The following SEMA5A variants were observed in gnomAD, a reference collection of about 807,000 sequenced individuals.
The protein encoded by SEMA5A is semaphorin-5A.
In SEMA5A, 55 loss-of-function variants were observed where a neutral mutation model predicts 135.5. The ratio of observed to expected loss-of-function variants is 0.41; its 90% CI spans 0.33 to 0.51. SEMA5A has a LOEUF of 0.51. SEMA5A is among the 20% of genes least tolerant of loss of function. The pLI is 0.37. For synonymous variants in SEMA5A, 580 were observed against 546.5 expected, an observed-to-expected ratio of 1.06 and a Z score of -0.85; for missense variants, 1,290 against 1,419.9, an observed-to-expected ratio of 0.91 and a Z score of 1.47.
chr5:9,502,462 A>G (rs1307975082), intron 1 of SEMA5A, among the ~76,000 whole-genome samples: 1 of 152,206 alleles, frequency 6.6e-6, no homozygotes, highest in Non-Finnish European at 1.5e-5. Context: ...CATTCATGAC[A>G]AGACTGACAG....
In SEMA5A at chr5:9,052,042, A is replaced by C. The variant is rs528126302; in HGVS notation, c.2690-14T>G. ...CCGACCAGCTCTCTGCAGAGACCAG[A>C]AAAGGGGAGATGGGGCGGAATGGCC... On this transcript the variant is annotated splice_polypyrimidine_tract_variant and intron_variant, in intron 19 of 22. Transcript: ENST00000382496. 6.4e-7 allele frequency: 1 copy of C among 1,568,650 alleles called. No homozygotes were observed. Among genetic ancestry groups the C allele is most frequent in the Non-Finnish European group, 8.7e-7 (1 of 1,155,648 alleles).
chr5:9,374,269 A>G (rs1270541923), intron 3 of SEMA5A, among the ~76,000 whole-genome samples: 5 of 152,180 alleles, frequency 3.3e-5, no homozygotes, highest in African/African-American at 1.2e-4. Context: ...GGCTGGAAAA[A>G]AAAAAAGATT....
chr5:9,171,919 A>C (rs1453465361), intron 11 of SEMA5A, among the ~76,000 whole-genome samples: 1 of 152,202 alleles, frequency 6.6e-6, no homozygotes, highest in Non-Finnish European at 1.5e-5. Context: ...GACACAGGAC[A>C]AAGCTCAGAC....
chr5:9,067,167 G>A (rs903639189), intron 16 of SEMA5A, among the ~76,000 whole-genome samples: 4 of 152,154 alleles, frequency 2.6e-5, no homozygotes, highest in African/African-American at 7.2e-5. Flanking sequence ...TCATCTCACA[G>A]CTAACACCTT....
chr5:9,255,987 G>A (rs1347345511), intron 5 of SEMA5A, among the ~76,000 whole-genome samples: 4 of 152,072 alleles, frequency 2.6e-5, no homozygotes, highest in African/African-American at 9.7e-5. Context: ...GAGTCTTCTT[G>A]TTTCCTCACT....
At chr5:9,412,773 A>G (rs1489888904) in intron 2 of SEMA5A, among the ~76,000 whole-genome samples, 1 of 152,102 alleles carries the variant, frequency 6.6e-6, no homozygotes, top group African/African-American at 2.4e-5. Context: ...TTTTGACAGC[A>G]TTTTGACTAC....
At chr5:9,227,503 T>A (rs546947553) in intron 6 of SEMA5A, among the ~76,000 whole-genome samples, 13 of 152,274 alleles carry the variant, frequency 8.5e-5, no homozygotes, top group African/African-American at 3.1e-4. Flanking sequence ...AATTTTACTT[T>A]ATGGGATCCA....
intron 2 of SEMA5A, among the ~76,000 whole-genome samples, chr5:9,382,652 G>A (rs950776255): frequency 2.2e-4 from 33 of 152,142 alleles, no homozygotes; most frequent in African/African-American, 7.7e-4. Context: ...GAAACCTGAA[G>A]GTCCAGCTGA....
chr5:9,506,459 G>A (rs1171727666), intron 1 of SEMA5A, among the ~76,000 whole-genome samples: 1 of 152,188 alleles, frequency 6.6e-6, no homozygotes, highest in African/African-American at 2.4e-5. Flanking sequence ...GTCTTACAAG[G>A]TTCAGTGCTT....
intron 19 of SEMA5A, among the ~76,000 whole-genome samples, chr5:9,053,418 C>T (rs1736704572): frequency 6.6e-6 from 1 of 152,318 alleles, no homozygotes; most frequent in South Asian, 2.1e-4. Flanking sequence ...TGCTGTGCTC[C>T]TCCACTTACT....
chr5:9,062,067 C>G (rs115430399), intron 18 of SEMA5A, among the ~76,000 whole-genome samples: 1 of 152,102 alleles, frequency 6.6e-6, no homozygotes, highest in Non-Finnish European at 1.5e-5. Context: ...TTAGAAAGGC[C>G]GGCTTTTCCA....
intron 4 of SEMA5A, among the ~76,000 whole-genome samples, chr5:9,336,405 G>C (rs1292054608): frequency 6.6e-6 from 1 of 152,106 alleles, no homozygotes; most frequent in Non-Finnish European, 1.5e-5. Flanking sequence ...TATGCAGAAG[G>C]AGGAGAACAT....
At chr5:9,329,822 C>T (rs555125563) in intron 4 of SEMA5A, among the ~76,000 whole-genome samples, 2 of 152,278 alleles carry the variant, frequency 1.3e-5, no homozygotes, top group South Asian at 4.1e-4. Flanking sequence ...TCCATGGATG[C>T]TCCAGTCCCT....
At chr5:9,339,528 G>A (rs936057512) in intron 3 of SEMA5A, among the ~76,000 whole-genome samples, 33 of 152,248 alleles carry the variant, frequency 2.2e-4, no homozygotes, top group South Asian at 1.4e-3. Context: ...CATTGAATGC[G>A]ATAGGAAATA....
intron 16 of SEMA5A, 86 bp downstream of exon 16, chr5:9,108,054 C>T: frequency 6.8e-7 from 1 of 1,476,792 alleles, no homozygotes; most frequent in Non-Finnish European, 9.2e-7. Context: ...TGCAGAACAT[C>T]TAGTGTGTGC....
intron 4 of SEMA5A, among the ~76,000 whole-genome samples, chr5:9,322,365 G>T (rs3822789): frequency 0.31 from 46,678 of 151,636 alleles, 10,276 homozygotes; most frequent in African/African-American, 0.62. Flanking sequence ...ATTCAATAGG[G>T]GAAAGGAAGG....
At chr5:9,339,959 G>T (rs1489290490) in intron 3 of SEMA5A, among the ~76,000 whole-genome samples, 1 of 152,166 alleles carries the variant, frequency 6.6e-6, no homozygotes, top group East Asian at 1.9e-4. Context: ...GATTAGAGAT[G>T]AAGTCAAGGT....
At chr5:9,221,030 C>T (rs1198022780) in intron 8 of SEMA5A, among the ~76,000 whole-genome samples, 1 of 152,136 alleles carries the variant, frequency 6.6e-6, no homozygotes. Context: ...AGAAAATTGC[C>T]ACTGCATGGC....
intron 1 of SEMA5A, chr5:9,519,956 C>G (rs1345596107): frequency 1.3e-5 from 2 of 152,142 alleles, no homozygotes; most frequent in African/African-American, 4.8e-5. Flanking sequence ...ATACAATAAC[C>G]AAAAGTTTAG....
Sources: gnomAD v4.1 joint callset for allele counts (sites outside exome capture counted in the v4.1 genomes callset) on GRCh38, gnomAD v4.1.1 for gene constraint, MANE v1.5 for transcripts, NCBI Gene and HGNC (gene_info 2026-07-23, HGNC 2026-07-21) for gene names.